WDR36: variants seen among roughly 807,000 people sequenced by gnomAD.
WDR36 encodes the protein WD repeat domain 36, also known as WD repeat-containing protein 36.
WDR36 carries 63 observed loss-of-function variants against 112.7 expected under a neutral mutation model. The ratio of observed to expected loss-of-function variants is 0.56; its 90% CI spans 0.46 to 0.69. WDR36 has a LOEUF of 0.69. WDR36 is among the 30% of genes least tolerant of loss of function. The pLI, the probability that WDR36 is intolerant of heterozygous loss-of-function variation, is 0.00. For missense variants in WDR36, 1,226 were observed against 1,070.3 expected (o/e 1.15, Z -2.03); for synonymous variants, 410 against 362.2 (o/e 1.13, Z -1.50).
rs570139466 is a variant in WDR36 at position 111,100,002 on chromosome 5, T to C, written c.410-587T>C. Among the ~76,000 whole-genome samples, 4 of 152,020 alleles carry C rather than the reference T, an allele frequency of 2.6e-5. No homozygotes were observed. In the South Asian group the frequency reaches 8.3e-4, roughly 31 times the overall value. ...GTAACCAAAGATTTCAGAGAATTTTTTTATCTTGGAGCAAGTGACCACTGG... is the reference window on the plus strand; with the variant it reads ...GTAACCAAAGATTTCAGAGAATTTTCTTATCTTGGAGCAAGTGACCACTGG... On this transcript the variant is annotated intron_variant, in intron 4 of 22. Transcript: ENST00000513710.
rs12520738 is a variant in WDR36, at chr5:111,127,928, T to G, written c.*1045T>G. 91,827 of 142,590 alleles carry G rather than the reference T, an allele frequency of 0.64. 24,085 individuals carry two copies. The highest frequency in any genetic ancestry group is 0.71 in the Admixed American group (8,723 of 12,370). 8.8% of individuals were successfully genotyped at this position (142,590 alleles called of 1,614,324 possible). ...TTTTTATTTTGTTTTGTTTTGTTTT[T>G]TTTTTTTTTTTTTTGGCTACACTTT... On this transcript the variant is annotated 3_prime_UTR_variant, in exon 23 of 23. Coordinates refer to ENST00000513710, the MANE Select transcript of WDR36 (RefSeq NM_139281.3).
chr5:111,119,204 C>A, intron 17 of WDR36, 84 bp downstream of exon 17: 1 of 1,114,718 alleles, frequency 9.0e-7, no homozygotes, highest in Non-Finnish European at 1.4e-6. Flanking sequence ...GTCATTTAGG[C>A]TGTTTTTAAG....
At chr5:111,123,489 T>G (rs769570363) in intron 19 of WDR36, among the ~76,000 whole-genome samples, 1 of 152,206 alleles carries the variant, frequency 6.6e-6, no homozygotes, top group Non-Finnish European at 1.5e-5. Flanking sequence ...AGTTTAAAAT[T>G]ACTTAATTGT....
intron 12 of WDR36, 69 bp downstream of exon 12, chr5:111,107,508 G>C (rs1753243507): frequency 1.9e-6 from 3 of 1,576,852 alleles, no homozygotes; most frequent in South Asian, 2.3e-5. Flanking sequence ...TTATACTCAA[G>C]GTTTCTCATC....
chr5:111,102,543 T>A, intron 6 of WDR36, 144 bp downstream of exon 6: 2 of 833,756 alleles, frequency 2.4e-6, no homozygotes, highest in South Asian at 1.6e-5. Flanking sequence ...GAGGAAATAG[T>A]GTTTTGGAAA....
intron 3 of WDR36, among the ~76,000 whole-genome samples, chr5:111,097,597 C>G (rs1753020706): frequency 6.6e-6 from 1 of 152,210 alleles, no homozygotes; most frequent in African/African-American, 2.4e-5. Flanking sequence ...TAGCTTATAA[C>G]TCTTTTTCTA....
intron 8 of WDR36, 80 bp downstream of exon 8, chr5:111,104,432 G>T (rs1381366945): frequency 6.4e-7 from 1 of 1,569,784 alleles, no homozygotes; most frequent in Non-Finnish European, 8.8e-7. Flanking sequence ...TAATGTATCA[G>T]CTTTCAACCT....
chr5:111,106,042 T>C lies in WDR36; in HGVS notation c.1094-15T>C. 1 of 1,591,274 alleles carries C rather than the reference T, an allele frequency of 6.3e-7. No homozygotes were observed. The highest frequency in any genetic ancestry group is 8.6e-7 in the Non-Finnish European group (1 of 1,160,328). ...GATTCATAGCTATGTATGTTCCCCT[T>C]TCCCCCATCCTTAGGATTAATAAAT... On this transcript the variant is annotated splice_polypyrimidine_tract_variant and intron_variant, in intron 10 of 22. Coordinates refer to ENST00000513710, the MANE Select transcript of WDR36 (RefSeq NM_139281.3).
intron 11 of WDR36, among the ~76,000 whole-genome samples, chr5:111,106,597 C>G (rs1305323399): frequency 6.6e-6 from 1 of 151,358 alleles, no homozygotes; most frequent in East Asian, 1.9e-4. Context: ...TGAAATCTAT[C>G]ATGGGAAATT....
At position 111,127,048 on chromosome 5, in the gene WDR36, A is replaced by C; in HGVS notation, c.*165A>C. On this transcript the variant is annotated 3_prime_UTR_variant, in exon 23 of 23. Transcript: ENST00000513710. ...AAATACTTTCTTGAAATAAAATCGC[A>C]CCTCCCGGCCAGGCATGATGGATAA... 1 of 672,914 alleles carries C rather than the reference A, an allele frequency of 1.5e-6. No homozygotes were observed. The highest frequency in any genetic ancestry group is 2.4e-6 in the Non-Finnish European group (1 of 424,394). 41.7% of individuals were successfully genotyped at this position (672,914 alleles called of 1,614,324 possible).
At chr5:111,108,882 A>G (rs1456384236) in intron 12 of WDR36, among the ~76,000 whole-genome samples, 3 of 151,326 alleles carry the variant, frequency 2.0e-5, no homozygotes, top group Non-Finnish European at 3.0e-5. Flanking sequence ...TATGTATACT[A>G]TGATATTTAG....
Position 111,097,140 on chromosome 5 carries a change from T to G in WDR36, c.252T>G (p.Ala84=). 6.2e-7 allele frequency: 1 copy of G among 1,613,820 alleles called. No homozygotes were observed. The highest frequency in any genetic ancestry group is 8.5e-7 in the Non-Finnish European group (1 of 1,179,824). The change falls in exon 3 of 23, where the codon GCT becomes GCG. Residue 84 remains alanine (A), a synonymous_variant. Transcript: ENST00000513710. The part of the protein sequence containing the change: ...MAADGRLVFA[A]YGNVFSAFAR... ...CTGATGGCAGATTAGTCTTTGCTGC[T>G]TATGGAAATGTTTTCTCTGCATTTG...
chr5:111,092,394 A>G lies in WDR36; in HGVS notation c.-63A>G. On this transcript the variant is annotated 5_prime_UTR_variant, in exon 1 of 23. Transcript: ENST00000513710. ...GAGGACTGTTCCACTAGACACGCTG[A>G]AGGGACTGGGTACGTGTTTTCCTTC... The G allele has an allele frequency of 6.2e-7, 1 of 1,614,240 alleles. No homozygotes were observed. Among genetic ancestry groups the G allele is most frequent in the South Asian group, 1.1e-5 (1 of 91,084 alleles).
chr5:111,124,894 C>T (rs1753647176), intron 21 of WDR36, among the ~76,000 whole-genome samples: 1 of 152,118 alleles, frequency 6.6e-6, no homozygotes, highest in South Asian at 2.1e-4. Context: ...AATAAAAACA[C>T]TATTGTTTAC....
At chr5:111,107,021 CTT>C (rs1383430291) in intron 11 of WDR36, among the ~76,000 whole-genome samples, 3 of 151,322 alleles carry the variant, frequency 2.0e-5, no homozygotes, top group East Asian at 1.9e-4. Flanking sequence ...ATTAGAATCT[CTT>C]GTTAGGTATG....
rs886059773 is a variant in WDR36, at chr5:111,128,014, T to C, written c.*1131T>C. 9.1e-5 allele frequency: 18 copies of C among 198,510 alleles called. No individual in the cohort carries two copies. Among genetic ancestry groups the C allele is most frequent in the Non-Finnish European group, 1.9e-4 (18 of 96,450 alleles). The allele number at this position is 198,510 out of a possible 1,614,324, so 12.3% of individuals were successfully genotyped here. On this transcript the variant is annotated 3_prime_UTR_variant, in exon 23 of 23. Coordinates refer to ENST00000513710, the MANE Select transcript of WDR36 (RefSeq NM_139281.3). The stretch of plus-strand genomic sequence containing the variant: ...TGAGTATACTTTTCTTTCACAACCA[T>C]TGCAAACCCAGGTAGCCCTGGAGTT...
At position 111,100,585 on chromosome 5, in the gene WDR36, G is replaced by A. The variant is rs1753102542; in HGVS notation, c.410-4G>A. ...AAAAATATTTATAACTTTCACTTTT[G>A]TAGAAGAATACCTGCAGTTGACTTT... On this transcript the variant is annotated splice_polypyrimidine_tract_variant and splice_region_variant and intron_variant, in intron 4 of 22. Coordinates refer to ENST00000513710, the MANE Select transcript of WDR36 (RefSeq NM_139281.3). 2 of 1,535,014 alleles carry A rather than the reference G, an allele frequency of 1.3e-6. No homozygotes were observed. The highest frequency in any genetic ancestry group is 1.8e-6 in the Non-Finnish European group (2 of 1,127,832).
intron 1 of WDR36, 48 bp from the exon 2 acceptor site, chr5:111,094,872 T>A (rs1580388584): frequency 1.4e-6 from 2 of 1,455,110 alleles, no homozygotes; most frequent in Non-Finnish European, 1.9e-6. Flanking sequence ...TAGGTTATTA[T>A]GATTATGTTT....
chr5:111,101,313 G>T (rs973194539), intron 5 of WDR36, among the ~76,000 whole-genome samples: 1 of 151,824 alleles, frequency 6.6e-6, no homozygotes, highest in African/African-American at 2.4e-5. Flanking sequence ...TATAGAGAAG[G>T]CTCTAATAAA....
Sources: gnomAD v4.1 joint callset for allele counts (sites outside exome capture counted in the v4.1 genomes callset) on GRCh38, gnomAD v4.1.1 for gene constraint, MANE v1.5 for transcripts, NCBI Gene and HGNC (gene_info 2026-07-23, HGNC 2026-07-21) for gene names.